Variants in CCDC170 observed in about 807,000 individuals in gnomAD.
CCDC170 encodes coiled-coil domain-containing protein 170.
CCDC170 carries 69 observed loss-of-function variants against 72.6 expected under a neutral mutation model. The ratio of observed to expected loss-of-function variants is 0.95; its 90% CI spans 0.78 to 1.16. The LOEUF (loss-of-function observed/expected upper bound fraction) is 1.16. CCDC170 is among the 50% of genes most tolerant of loss of function. The pLI is 0.00. For missense variants in CCDC170, 852 were observed against 832.5 expected (o/e 1.02, Z -0.29); for synonymous variants, 300 against 303.9 (o/e 0.99, Z 0.13).
intron 1 of CCDC170, among the ~76,000 whole-genome samples, chr6:151,500,955 A>G (rs1223126475): frequency 6.6e-6 from 1 of 152,174 alleles, no homozygotes; most frequent in African/African-American, 2.4e-5. Flanking sequence ...AAGAATAGAA[A>G]TATGTAAAAT....
chr6:151,496,279 C>T (rs922289900), intron 1 of CCDC170, among the ~76,000 whole-genome samples: 1 of 152,112 alleles, frequency 6.6e-6, no homozygotes, highest in African/African-American at 2.4e-5. Flanking sequence ...TGGCCTCTGC[C>T]AGATTTTTCC....
chr6:151,573,876 G>A (rs1363234870), intron 6 of CCDC170, among the ~76,000 whole-genome samples: 2 of 152,208 alleles, frequency 1.3e-5, no homozygotes, highest in Admixed American at 1.3e-4. Context: ...GGGATGATGG[G>A]AGCTACAATT....
Position 151,620,357 on chromosome 6 carries a change from A to C in CCDC170, c.*2210A>C, listed in dbSNP as rs1413655468. Reference sequence around the variant, plus strand: ...CTGCCTAGCTATCTCCTTCATGTGCAAGGACAGTATAAGTAGTATTTTGCA... The same window carrying C: ...CTGCCTAGCTATCTCCTTCATGTGCCAGGACAGTATAAGTAGTATTTTGCA... On this transcript the variant is annotated 3_prime_UTR_variant, in exon 11 of 11. Transcript: ENST00000239374. The C allele has an allele frequency of 6.6e-6, 1 of 152,206 alleles. No homozygotes were observed. Among genetic ancestry groups the C allele is most frequent in the Non-Finnish European group, 1.5e-5 (1 of 68,044 alleles). The allele number at this position is 152,206 out of a possible 1,614,324, so 9.4% of individuals were successfully genotyped here.
At chr6:151,605,648 A>G (rs1224170058) in intron 9 of CCDC170, among the ~76,000 whole-genome samples, 12 of 152,082 alleles carry the variant, frequency 7.9e-5, no homozygotes, top group Non-Finnish European at 1.5e-5. Flanking sequence ...TGTAGAAACC[A>G]TGAGTCTGGG....
At chr6:151,516,481 T>G (rs887898525) in intron 1 of CCDC170, among the ~76,000 whole-genome samples, 5 of 152,210 alleles carry the variant, frequency 3.3e-5, no homozygotes, top group Admixed American at 2.0e-4. Context: ...GCAGGTTCTT[T>G]GCTTTACCAT....
At chr6:151,601,261 G>T (rs1053396189) in intron 9 of CCDC170, among the ~76,000 whole-genome samples, 2 of 152,086 alleles carry the variant, frequency 1.3e-5, no homozygotes, top group Non-Finnish European at 2.9e-5. Flanking sequence ...AAAGTTGGGG[G>T]ATACCACCCC....
chr6:151,598,020 C>T (rs937185419), intron 9 of CCDC170, among the ~76,000 whole-genome samples: 2 of 152,180 alleles, frequency 1.3e-5, no homozygotes, highest in African/African-American at 4.8e-5. Flanking sequence ...GTTTTCTTTT[C>T]CCTGCTGAAG....
At chr6:151,518,179 T>C (rs371993938) in intron 1 of CCDC170, among the ~76,000 whole-genome samples, 9 of 152,104 alleles carry the variant, frequency 5.9e-5, no homozygotes, top group South Asian at 2.1e-4. Context: ...TACATCCATG[T>C]TTTTTAGTTT....
intron 9 of CCDC170, among the ~76,000 whole-genome samples, chr6:151,602,733 G>A (rs565051090): frequency 1.5e-4 from 23 of 152,126 alleles, no homozygotes; most frequent in East Asian, 3.9e-4. Flanking sequence ...AGGTCTCCCC[G>A]GCGATGCAGA....
intron 9 of CCDC170, among the ~76,000 whole-genome samples, chr6:151,597,117 C>A (rs550007114): frequency 6.6e-6 from 1 of 151,968 alleles, no homozygotes; most frequent in Non-Finnish European, 1.5e-5. Context: ...TGAGCCACTG[C>A]GCCTGGCCTT....
chr6:151,593,818 G>A (rs1213599397), intron 8 of CCDC170, among the ~76,000 whole-genome samples: 7 of 152,150 alleles, frequency 4.6e-5, no homozygotes, highest in Non-Finnish European at 7.4e-5. Flanking sequence ...ATGAACTTTT[G>A]TTTATATCCC....
intron 6 of CCDC170, 94 bp downstream of exon 6, chr6:151,573,585 C>A: frequency 8.6e-7 from 1 of 1,164,746 alleles, no homozygotes; most frequent in Non-Finnish European, 1.2e-6. Flanking sequence ...TCTCACGCTG[C>A]TATAAGAAAT....
chr6:151,592,516 G>T (rs188487786), intron 7 of CCDC170, among the ~76,000 whole-genome samples: 1 of 152,190 alleles, frequency 6.6e-6, no homozygotes. Context: ...ATGGTGGCAG[G>T]CAAAGAGAGA....
rs577968405 is a variant in CCDC170, at chr6:151,561,304, C to A, written c.775-11870C>A. On this transcript the variant is annotated intron_variant, in intron 5 of 10. Coordinates refer to ENST00000239374, the MANE Select transcript of CCDC170 (RefSeq NM_025059.4). ...TGTAGTCTTAATTGTGTAATTGCTT[C>A]ATAGGGTCTGTGAACTTTGTACTTA... 7.9e-5 allele frequency among the ~76,000 whole-genome samples: 12 copies of A among 152,130 alleles called. No homozygotes were observed. In the South Asian group the frequency reaches 2.5e-3, roughly 32 times the overall value.
At chr6:151,498,732 G>A (rs1781945173) in intron 1 of CCDC170, among the ~76,000 whole-genome samples, 2 of 151,910 alleles carry the variant, frequency 1.3e-5, no homozygotes, top group South Asian at 2.1e-4. Flanking sequence ...CGGTGTATAA[G>A]TGGAATCAGA....
At chr6:151,600,821 G>A (rs76358021) in intron 9 of CCDC170, among the ~76,000 whole-genome samples, 8,728 of 151,872 alleles carry the variant, frequency 0.057, 308 homozygotes, top group South Asian at 0.096. Flanking sequence ...AAACATCACC[G>A]CTATCTAATA....
At chr6:151,505,806 A>G (rs1002189562) in intron 1 of CCDC170, among the ~76,000 whole-genome samples, 11 of 152,198 alleles carry the variant, frequency 7.2e-5, no homozygotes, top group East Asian at 1.9e-4. Flanking sequence ...TTAAAAATCA[A>G]GAACTCTAGG....
chr6:151,571,349 A>G (rs1389529794), intron 5 of CCDC170, among the ~76,000 whole-genome samples: 1 of 151,756 alleles, frequency 6.6e-6, no homozygotes, highest in Non-Finnish European at 1.5e-5. Context: ...TTAACTAGGT[A>G]GCAATACTAC....
intron 7 of CCDC170, among the ~76,000 whole-genome samples, chr6:151,587,772 G>C (rs914772761): frequency 6.6e-6 from 1 of 152,186 alleles, no homozygotes; most frequent in African/African-American, 2.4e-5. Context: ...AGTGCAATTA[G>C]TGCAAATAGT....
Sources: allele counts gnomAD v4.1 joint callset (sites outside exome capture counted in the v4.1 genomes callset), GRCh38; gene constraint gnomAD v4.1.1; transcripts MANE v1.5; gene names NCBI Gene and HGNC (gene_info 2026-07-23, HGNC 2026-07-21).